Variants in CDK5RAP2 observed in about 807,000 individuals in gnomAD.
CDK5RAP2 encodes the protein CDK5 regulatory subunit associated protein 2.
Under a neutral mutation model 232.9 loss-of-function variants are expected in CDK5RAP2, and 147 were observed. The ratio of observed to expected loss-of-function variants is 0.63; its 90% CI spans 0.55 to 0.72. The LOEUF is 0.72. CDK5RAP2 is among the 30% of genes least tolerant of loss of function. The pLI, the probability that CDK5RAP2 is intolerant of heterozygous loss-of-function variation, is 0.00. For synonymous variants in CDK5RAP2, 833 were observed against 833.7 expected (o/e 1.00, Z 0.01); for missense variants, 2,195 against 2,231.5 (o/e 0.98, Z 0.33).
intron 13 of CDK5RAP2, among the ~76,000 whole-genome samples, chr9:120,491,092 T>C (rs1217384144): frequency 1.3e-5 from 2 of 152,224 alleles, no homozygotes; most frequent in African/African-American, 2.4e-5. Context: ...TTAGTCGTCA[T>C]ATGACCCAGG....
At chr9:120,537,292 A>G (rs1248273284) in intron 6 of CDK5RAP2, among the ~76,000 whole-genome samples, 1 of 152,172 alleles carries the variant, frequency 6.6e-6, no homozygotes, top group Non-Finnish European at 1.5e-5. Context: ...CCACCGTCCC[A>G]TCAAAGAGCT....
chr9:120,522,438 C>A (rs1466709102), intron 11 of CDK5RAP2, among the ~76,000 whole-genome samples: 3 of 151,972 alleles, frequency 2.0e-5, no homozygotes, highest in Admixed American at 6.6e-5. Context: ...ATATTATGAT[C>A]CTATTTAATT....
chr9:120,572,094 C>CCG, intron 1 of CDK5RAP2, 53 bp from the exon 2 acceptor site: 2 of 1,358,388 alleles, frequency 1.5e-6, no homozygotes, highest in Non-Finnish European at 2.1e-6. Flanking sequence ...ACAACAGAGA[C>CCG]TGTTAAGACG....
At chr9:120,530,933 C>G (rs2041122781) in intron 7 of CDK5RAP2, among the ~76,000 whole-genome samples, 1 of 150,870 alleles carries the variant, frequency 6.6e-6, no homozygotes, top group African/African-American at 2.4e-5. Flanking sequence ...GTGCAGCACA[C>G]CAACATGGCA....
chr9:120,467,822 T>A, intron 18 of CDK5RAP2, 38 bp downstream of exon 18: 1 of 1,611,314 alleles, frequency 6.2e-7, no homozygotes, highest in Non-Finnish European at 8.5e-7. Context: ...GTTGTTATAT[T>A]TTTGTAATCA....
At chr9:120,533,999 C>T (rs981935885) in intron 7 of CDK5RAP2, among the ~76,000 whole-genome samples, 13 of 152,064 alleles carry the variant, frequency 8.5e-5, no homozygotes, top group African/African-American at 2.9e-4. Context: ...TCTGCATCAG[C>T]CTGAGAACCA....
At chr9:120,576,852 G>C (rs1581776) in intron 1 of CDK5RAP2, among the ~76,000 whole-genome samples, 14,364 of 152,154 alleles carry the variant, frequency 0.094, 887 homozygotes, top group East Asian at 0.29. Context: ...GAAGCAGGAG[G>C]ATCACTTGAG....
intron 12 of CDK5RAP2, among the ~76,000 whole-genome samples, chr9:120,498,326 G>A (rs1402399004): frequency 6.6e-6 from 1 of 152,122 alleles, no homozygotes; most frequent in Non-Finnish European, 1.5e-5. Context: ...TGTTGGGTCT[G>A]ATCACCCCAA....
intron 24 of CDK5RAP2, among the ~76,000 whole-genome samples, chr9:120,438,951 C>T (rs2035738439): frequency 6.6e-6 from 1 of 152,148 alleles, no homozygotes; most frequent in South Asian, 2.1e-4. Context: ...CTAAGATGAC[C>T]TTAAAGGGTA....
chr9:120,423,722 G>A (rs2034710416), intron 25 of CDK5RAP2, among the ~76,000 whole-genome samples: 2 of 152,204 alleles, frequency 1.3e-5, no homozygotes, highest in South Asian at 4.1e-4. Context: ...CTCTTCTACA[G>A]TTGTACTTGA....
chr9:120,527,939 G>C lies in CDK5RAP2; in HGVS notation c.880-14C>G. On this transcript the variant is annotated splice_polypyrimidine_tract_variant and intron_variant, in intron 9 of 37. Transcript: ENST00000349780. ...CTCTTCAAGTGCCTAAATTAGATTAGAAAAAGATTCACTAAGTTGATGCGT... is the reference window on the plus strand; with the variant it reads ...CTCTTCAAGTGCCTAAATTAGATTACAAAAAGATTCACTAAGTTGATGCGT... 1.2e-6 allele frequency: 2 copies of C among 1,613,346 alleles called. No individual in the cohort carries two copies. The highest frequency in any genetic ancestry group is 1.1e-5 in the South Asian group (1 of 91,072).
At chr9:120,573,472 C>T (rs1206874077) in intron 1 of CDK5RAP2, among the ~76,000 whole-genome samples, 1 of 151,560 alleles carries the variant, frequency 6.6e-6, no homozygotes, top group Non-Finnish European at 1.5e-5. Context: ...TCACTTGAAC[C>T]CAGGAGGCAG....
At chr9:120,524,515 G>A (rs1048186776) in intron 11 of CDK5RAP2, among the ~76,000 whole-genome samples, 5 of 152,086 alleles carry the variant, frequency 3.3e-5, no homozygotes, top group African/African-American at 1.2e-4. Flanking sequence ...GTGGTGGGCT[G>A]TAATGCCAGC....
intron 22 of CDK5RAP2, 33 bp downstream of exon 22, chr9:120,447,862 G>A (rs1451897422): frequency 6.8e-7 from 1 of 1,474,274 alleles, no homozygotes; most frequent in Middle Eastern, 1.7e-4. Context: ...CGTTTGTCTA[G>A]CTCACAGGGA....
intron 27 of CDK5RAP2, 121 bp from the exon 28 acceptor site, chr9:120,415,280 C>T (rs965056501): frequency 1.0e-4 from 118 of 1,140,422 alleles, no homozygotes; most frequent in Non-Finnish European, 1.3e-4. Flanking sequence ...TGGTTAGCAA[C>T]TGGCAATTCT....
intron 6 of CDK5RAP2, among the ~76,000 whole-genome samples, chr9:120,538,160 T>C (rs897038555): frequency 6.6e-6 from 1 of 152,222 alleles, no homozygotes. Context: ...ACAGGTATTT[T>C]GGGCCTAATA....
chr9:120,406,710 C>G lies in CDK5RAP2; in HGVS notation c.4963+302G>C, dbSNP rs76865555. 6.7e-3 allele frequency: 2,682 copies of G among 397,560 alleles called. 65 individuals carry two copies. Among genetic ancestry groups the G allele is most frequent in the African/African-American group, 0.048 (2,429 of 50,128 alleles). 24.6% of individuals were successfully genotyped at this position (397,560 alleles called of 1,614,324 possible). ...GAGAAACTAAAAGAAATTTCAGCAT[C>G]AAAGTGATGCAGGCAGGACTAAATG... On this transcript the variant is annotated intron_variant, in intron 32 of 37. Transcript: ENST00000349780.
chr9:120,546,327 C>A (rs2041840323), intron 4 of CDK5RAP2, among the ~76,000 whole-genome samples: 1 of 152,220 alleles, frequency 6.6e-6, no homozygotes, highest in Admixed American at 6.5e-5. Context: ...GCTACAACCA[C>A]ATGGGGCAAG....
intron 10 of CDK5RAP2, among the ~76,000 whole-genome samples, chr9:120,525,672 C>G (rs1481726548): frequency 6.6e-6 from 1 of 152,074 alleles, no homozygotes; most frequent in African/African-American, 2.4e-5. Flanking sequence ...GGCTAGAGTG[C>G]AGTGGCTGAT....
Sources: allele counts gnomAD v4.1 joint callset (sites outside exome capture counted in the v4.1 genomes callset), GRCh38; gene constraint gnomAD v4.1.1; transcripts MANE v1.5; gene names NCBI Gene and HGNC (gene_info 2026-07-23, HGNC 2026-07-21).